DNMBP: variants seen among roughly 807,000 people sequenced by gnomAD.
DNMBP encodes the protein dynamin-binding protein.
Under a neutral mutation model 150.0 loss-of-function variants are expected in DNMBP, and 87 were observed. The ratio of observed to expected loss-of-function variants is 0.58; its 90% CI spans 0.49 to 0.69. The LOEUF is 0.69. Ranked by LOEUF, DNMBP falls within the 30% of genes least tolerant of loss-of-function variation. The pLI is 0.00. For missense variants in DNMBP, 1,774 were observed against 1,949.0 expected (o/e 0.91, Z 1.69); for synonymous variants, 711 against 750.4 (o/e 0.95, Z 0.86).
intron 4 of DNMBP, among the ~76,000 whole-genome samples, chr10:99,920,618 G>A (rs775417422): frequency 6.6e-6 from 1 of 152,156 alleles, no homozygotes; most frequent in Non-Finnish European, 1.5e-5. Flanking sequence ...TTTCTGGGCT[G>A]TTGCTTCTGT....
intron 4 of DNMBP, among the ~76,000 whole-genome samples, chr10:99,925,432 T>G (rs2040068320): frequency 6.6e-6 from 1 of 152,128 alleles, no homozygotes; most frequent in South Asian, 2.1e-4. Flanking sequence ...TTTTATTTTT[T>G]TGAGACACAG....
intron 5 of DNMBP, 82 bp from the exon 6 acceptor site, chr10:99,908,176 A>C: frequency 9.8e-7 from 1 of 1,020,110 alleles, no homozygotes; most frequent in Middle Eastern, 2.1e-4. Flanking sequence ...GCTCTTCAAG[A>C]ATTGTAGAAA....
chr10:99,971,255 C>G (rs1330287151), intron 2 of DNMBP, among the ~76,000 whole-genome samples: 1 of 151,222 alleles, frequency 6.6e-6, no homozygotes, highest in Non-Finnish European at 1.5e-5. Flanking sequence ...TAGGTAAACA[C>G]AAAAGGATTC....
At position 99,896,361 on chromosome 10, in the gene DNMBP, A is replaced by G. The variant is rs760348827; in HGVS notation, c.2957T>C (p.Met986Thr). ...GATGTTCAGTTTGGAAATTTTCTCC[A>G]TAAGGCTATCTTCATCACCCTTACG... ...KYRKGDEDSLMEKISKLNIHS... is the reference protein window; with the variant it reads ...KYRKGDEDSLTEKISKLNIHS... The change falls in exon 10 of 17, where the codon ATG (methionine) becomes ACG (threonine). Residue 986 changes from methionine to threonine, a missense_variant. Around this residue, in one of 2 missense-constraint regions of DNMBP, gnomAD observed 1,430 missense variants for 1,492.5 expected, o/e 0.96. Coordinates refer to ENST00000324109, the MANE Select transcript of DNMBP (RefSeq NM_015221.4). The G allele has an allele frequency of 6.8e-6, 11 of 1,614,190 alleles. No homozygotes were observed. In the East Asian group the frequency reaches 2.0e-4, roughly 29 times the overall value.
At chr10:100,000,944 A>G (rs1055407221) in intron 1 of DNMBP, among the ~76,000 whole-genome samples, 3 of 149,084 alleles carry the variant, frequency 2.0e-5, no homozygotes, top group Non-Finnish European at 4.5e-5. Context: ...ACACTGGGGG[A>G]AAAAAGAGCC....
intron 9 of DNMBP, 160 bp downstream of exon 9, chr10:99,897,926 A>T: frequency 3.1e-6 from 2 of 649,024 alleles, no homozygotes; most frequent in South Asian, 4.0e-5. Flanking sequence ...AAAAATAATA[A>T]TAAAATATCA....
chr10:99,984,150 T>C (rs1268700160), intron 1 of DNMBP, among the ~76,000 whole-genome samples: 1 of 152,140 alleles, frequency 6.6e-6, no homozygotes, highest in African/African-American at 2.4e-5. Flanking sequence ...TATCTCCACA[T>C]CAGTTTTGTC....
Position 99,974,386 on chromosome 10 carries a change from T to A in DNMBP, c.-10-2252A>T, listed in dbSNP as rs540413684. Among the ~76,000 whole-genome samples the A allele has an allele frequency of 1.1e-4, 17 of 152,312 alleles. No individual in the cohort carries two copies. The South Asian group carries it at 3.1e-3, about 28-fold the overall frequency. ...ATTGAAGCAGCAGAAAGAGAGGACA[T>A]AAGTAGTGGACATCCATCCCTCTGT... On this transcript the variant is annotated intron_variant, in intron 1 of 16. Transcript: ENST00000324109.
chr10:99,953,052 C>A (rs61871545), intron 4 of DNMBP, among the ~76,000 whole-genome samples: 5,542 of 152,252 alleles, frequency 0.036, 99 homozygotes, highest in South Asian at 0.083. Context: ...TGGTTGCCTA[C>A]CTCTTGTACT....
At chr10:99,880,726 A>G (rs1198812901) in intron 15 of DNMBP, among the ~76,000 whole-genome samples, 1 of 152,238 alleles carries the variant, frequency 6.6e-6, no homozygotes, top group African/African-American at 2.4e-5. Flanking sequence ...AGAATGTCAT[A>G]GGACACTGAG....
chr10:100,009,855 G>A lies in DNMBP; in HGVS notation c.-28C>T, dbSNP rs933775827. 1 of 148,490 alleles carries A rather than the reference G, an allele frequency of 6.7e-6. No homozygotes were observed. Among genetic ancestry groups the A allele is most frequent in the Non-Finnish European group, 1.5e-5 (1 of 66,550 alleles). 9.2% of individuals were successfully genotyped at this position (148,490 alleles called of 1,614,324 possible). ...CCTCTGACCTGCTTTCCGCCGCCCG[G>A]CGGTCCCTCGGCGCGGCAGGCAGTT... On this transcript the variant is annotated 5_prime_UTR_variant, in exon 1 of 17. Transcript: ENST00000324109.
At position 99,908,014 on chromosome 10, in the gene DNMBP, C is replaced by T. The variant is rs760508056; in HGVS notation, c.2535G>A (p.Leu845=). 6.2e-7 allele frequency: 1 copy of T among 1,613,876 alleles called. No individual in the cohort carries two copies. Among genetic ancestry groups the T allele is most frequent in the Non-Finnish European group, 8.5e-7 (1 of 1,179,806 alleles). The stretch of plus-strand genomic sequence containing the variant: ...TCATACCTACAGCATCGCTGATTTC[C>T]AGAGCAGCCAATAATTGCTTCGAGA... ...IKVSKQLLAA[L]EISDAVGPVF... is the part of the protein sequence containing the mutation. The change falls in exon 6 of 17, where the codon CTG becomes CTA. Residue 845 remains leucine (L), a synonymous_variant. Coordinates refer to ENST00000324109, the MANE Select transcript of DNMBP (RefSeq NM_015221.4).
At chr10:99,925,016 TAC>T (rs2040062636) in intron 4 of DNMBP, among the ~76,000 whole-genome samples, 1 of 152,184 alleles carries the variant, frequency 6.6e-6, no homozygotes, top group East Asian at 1.9e-4. Context: ...TCCACCAACC[TAC>T]CAAATGCAAA....
intron 1 of DNMBP, among the ~76,000 whole-genome samples, chr10:99,977,745 T>C (rs1196535697): frequency 2.6e-5 from 4 of 152,206 alleles, no homozygotes; most frequent in African/African-American, 7.2e-5. Flanking sequence ...TGGGAAAATA[T>C]ATGAAACTCT....
chr10:99,946,157 C>T (rs1282981018), intron 4 of DNMBP, among the ~76,000 whole-genome samples: 1 of 152,118 alleles, frequency 6.6e-6, no homozygotes, highest in South Asian at 2.1e-4. Flanking sequence ...AGGGTTTCAC[C>T]ATGTTGGCCA....
chr10:100,000,035 A>G (rs2040992740), intron 1 of DNMBP, among the ~76,000 whole-genome samples: 1 of 152,186 alleles, frequency 6.6e-6, no homozygotes, highest in South Asian at 2.1e-4. Context: ...CAGCTTTTTA[A>G]TTTTTTAGCA....
intron 11 of DNMBP, among the ~76,000 whole-genome samples, chr10:99,891,637 G>A (rs1251795086): frequency 5.4e-5 from 8 of 148,964 alleles, no homozygotes; most frequent in African/African-American, 1.8e-4. Flanking sequence ...GCCGCCCATC[G>A]TCTGGGATGT....
rs1418708585 is a variant in DNMBP, at chr10:99,880,207, G to C, written c.4152C>G (p.Thr1384=). ...FPRQNSGSTL[T]FNPSSMAVSF... is the part of the protein sequence containing the mutation. ...ATACAGCCATGCTGCTGGGGTTGAA[G>C]GTCAGGGTGCTGCCGCTGTTCTGGC... Residue 1384 remains threonine, a synonymous_variant, in exon 16 of 17, where the codon ACC becomes ACG. Transcript: ENST00000324109. 3.1e-6 allele frequency: 5 copies of C among 1,614,206 alleles called. No homozygotes were observed. The highest frequency in any genetic ancestry group is 4.2e-6 in the Non-Finnish European group (5 of 1,180,034).
Position 99,886,378 on chromosome 10 carries a change from G to A in DNMBP, c.3540C>T (p.Thr1180=). Residue 1180 remains threonine, a synonymous_variant, in exon 13 of 17, where the codon ACC becomes ACT. Coordinates refer to ENST00000324109, the MANE Select transcript of DNMBP (RefSeq NM_015221.4). ...KFHQYAQGLF[T]NCVHGYAEAH... ...CTTCAGCATAGCCGTGGACACAGTT[G>A]GTGAAGAGGCCCTGGGCGTACTGGT... 6.2e-7 allele frequency: 1 copy of A among 1,614,144 alleles called. No homozygotes were observed. Among genetic ancestry groups the A allele is most frequent in the Non-Finnish European group, 8.5e-7 (1 of 1,180,010 alleles).
Sources: allele counts gnomAD v4.1 joint callset (sites outside exome capture counted in the v4.1 genomes callset), GRCh38; gene constraint gnomAD v4.1.1; regional missense constraint gnomAD v4.1.1; transcripts MANE v1.5; gene names NCBI Gene and HGNC (gene_info 2026-07-23, HGNC 2026-07-21).